Variants in NRDC observed in about 807,000 individuals in gnomAD.
NRDC encodes nardilysin convertase.
A neutral mutation model predicts 147.1 loss-of-function variants in NRDC; 54 were observed. That is an observed-to-expected ratio of 0.37 (90% confidence interval 0.29 to 0.46). The LOEUF (loss-of-function observed/expected upper bound fraction) is 0.46. Among genes scored for constraint, NRDC ranks in the 20% least tolerant of loss-of-function variants. The pLI, the probability that NRDC is intolerant of heterozygous loss-of-function variation, is 1.00. For missense variants in NRDC, 1,082 were observed against 1,370.6 expected (o/e 0.79, Z 3.33); for synonymous variants, 440 against 482.1 (o/e 0.91, Z 1.14).
chr1:51,863,524 A>C (rs973473174), intron 1 of NRDC, among the ~76,000 whole-genome samples: 4 of 152,238 alleles, frequency 2.6e-5, no homozygotes, highest in Non-Finnish European at 5.9e-5. Context: ...TTGAATCACA[A>C]GTAATGGCAA....
chr1:51,866,468 T>C (rs1682814190), intron 1 of NRDC, among the ~76,000 whole-genome samples: 2 of 152,130 alleles, frequency 1.3e-5, no homozygotes, highest in Non-Finnish European at 2.9e-5. Flanking sequence ...AGGAACCATA[T>C]ACAGTCCTCT....
chr1:51,862,515 G>A (rs1571917434), intron 1 of NRDC: 1 of 152,172 alleles, frequency 6.6e-6, no homozygotes, highest in Non-Finnish European at 1.5e-5. Flanking sequence ...TTGAGCCCAG[G>A]AGTTCAAGAT....
intron 4 of NRDC, among the ~76,000 whole-genome samples, chr1:51,833,218 T>G (rs1571880133): frequency 6.6e-6 from 1 of 152,230 alleles, no homozygotes; most frequent in East Asian, 1.9e-4. Context: ...CCCAGCACTT[T>G]GAGAGGCTGA....
intron 21 of NRDC, among the ~76,000 whole-genome samples, chr1:51,799,614 A>C (rs1310870603): frequency 6.6e-6 from 1 of 152,152 alleles, no homozygotes; most frequent in Non-Finnish European, 1.5e-5. Context: ...CATGTGCACA[A>C]AGGGGTAGGT....
chr1:51,841,962 C>G (rs1426187587), intron 1 of NRDC, among the ~76,000 whole-genome samples: 3 of 152,086 alleles, frequency 2.0e-5, no homozygotes, highest in Non-Finnish European at 4.4e-5. Flanking sequence ...ATTTGGAGCT[C>G]AGGAGTTCAA....
At chr1:51,790,835 T>G in intron 28 of NRDC, 65 bp downstream of exon 28, 5 of 1,362,496 alleles carry the variant, frequency 3.7e-6, no homozygotes, top group Non-Finnish European at 5.2e-6. Flanking sequence ...GGCGAAGCCC[T>G]GTTAAGATTT....
chr1:51,814,634 CT>C (rs1679877212), intron 12 of NRDC, 25 bp from the exon 13 acceptor site: 1 of 1,609,924 alleles, frequency 6.2e-7, no homozygotes, highest in Non-Finnish European at 8.5e-7. Flanking sequence ...TCCAATTAGT[CT>C]TTTGCATAAA....
At chr1:51,814,471 T>G in intron 13 of NRDC, 80 bp downstream of exon 13, 1 of 1,383,760 alleles carries the variant, frequency 7.2e-7, no homozygotes, top group Non-Finnish European at 1.0e-6. Context: ...AAGGCAAGAC[T>G]AAAGCATGTC....
At chr1:51,843,557 G>C (rs1681380081) in intron 1 of NRDC, among the ~76,000 whole-genome samples, 1 of 152,090 alleles carries the variant, frequency 6.6e-6, no homozygotes, top group Non-Finnish European at 1.5e-5. Context: ...ATATAAGCAG[G>C]AATTAAAAGC....
chr1:51,815,978 T>A (rs856616), intron 11 of NRDC: 1,765 of 155,216 alleles, frequency 0.011, 30 homozygotes, highest in African/African-American at 0.04. Context: ...GGCATTTAAA[T>A]AATTGATTTC....
chr1:51,845,076 C>T (rs919426741), intron 1 of NRDC, among the ~76,000 whole-genome samples: 2 of 152,186 alleles, frequency 1.3e-5, no homozygotes, highest in Non-Finnish European at 2.9e-5. Context: ...CTATACAATG[C>T]TCAACATAAT....
intron 1 of NRDC, among the ~76,000 whole-genome samples, chr1:51,865,564 A>C (rs1682765828): frequency 6.6e-6 from 1 of 152,056 alleles, no homozygotes; most frequent in Admixed American, 6.5e-5. Context: ...TGGCTTCCCA[A>C]AGTGCTGGAA....
chr1:51,790,960 C>T lies in NRDC; in HGVS notation c.2991G>A (p.Glu997=). The T allele has an allele frequency of 6.2e-7, 1 of 1,613,492 alleles. No individual in the cohort carries two copies. Among genetic ancestry groups the T allele is most frequent in the Non-Finnish European group, 8.5e-7 (1 of 1,179,484 alleles). ...TCTTCTCCTCAAAGCTAGAAAGAAA[C>T]TCTTCTATCTTCTTATCAACAACTT... ...NSEVVDKKIE[E]FLSSFEEKIE... Residue 997 remains glutamate, a synonymous_variant, in exon 28 of 31, where the codon GAG becomes GAA. Coordinates refer to ENST00000352171, the MANE Select transcript of NRDC (RefSeq NM_001101662.2).
intron 1 of NRDC, among the ~76,000 whole-genome samples, chr1:51,842,044 C>T (rs58316030): frequency 0.015 from 2,348 of 152,110 alleles, 66 homozygotes; most frequent in African/African-American, 0.053. Context: ...TGGTGGCATG[C>T]GCCTGTAGTC....
At chr1:51,825,662 T>C (rs1680411354) in intron 5 of NRDC, among the ~76,000 whole-genome samples, 1 of 152,224 alleles carries the variant, frequency 6.6e-6, no homozygotes, top group African/African-American at 2.4e-5. Flanking sequence ...AGCTCTAGGA[T>C]GCTATGTACA....
At chr1:51,812,961 C>CAAA (rs5774107) in intron 14 of NRDC, among the ~76,000 whole-genome samples, 64 of 71,646 alleles carry the variant, frequency 8.9e-4, no homozygotes, top group East Asian at 1.9e-3. Flanking sequence ...GACTCTGTCT[C>CAAA]AAAAAAAAAA....
chr1:51,794,223 T>C (rs1678780759), intron 24 of NRDC: 3 of 408,090 alleles, frequency 7.4e-6, no homozygotes, highest in Non-Finnish European at 1.3e-5. Context: ...CATGTAGGGA[T>C]TTCCACCCAC....
chr1:51,851,954 T>C (rs1311791438), intron 1 of NRDC, among the ~76,000 whole-genome samples: 1 of 152,138 alleles, frequency 6.6e-6, no homozygotes, highest in Non-Finnish European at 1.5e-5. Flanking sequence ...CTTTTGCCAT[T>C]TATCGTTCCT....
rs138835215 is a variant in NRDC at position 51,806,143 on chromosome 1, G to A, written c.2111-582C>T. 1.1e-4 allele frequency among the ~76,000 whole-genome samples: 17 copies of A among 152,030 alleles called. No individual in the cohort carries two copies. In the East Asian group the frequency reaches 3.3e-3, roughly 29 times the overall value. ...TTCAAGAACAGAACGGTAAAAAGCA[G>A]CACACTTAGGGCCACAACATTAAAG... On this transcript the variant is annotated intron_variant, in intron 18 of 30. Transcript: ENST00000352171.
Sources: allele counts gnomAD v4.1 joint callset (sites outside exome capture counted in the v4.1 genomes callset), GRCh38; gene constraint gnomAD v4.1.1; transcripts MANE v1.5; gene names NCBI Gene and HGNC (gene_info 2026-07-23, HGNC 2026-07-21).